Variants in EPHA6 observed in about 807,000 individuals in gnomAD.
The protein encoded by EPHA6 is ephrin type-A receptor 6.
A neutral mutation model predicts 112.0 loss-of-function variants in EPHA6; 50 were observed. The observed-to-expected ratio is 0.45, with a 90% CI of 0.36 to 0.56. EPHA6 has a LOEUF of 0.56. Among genes scored for constraint, EPHA6 ranks in the 20% least tolerant of loss-of-function variants. EPHA6 has a pLI of 0.00. For synonymous variants in EPHA6, 529 were observed against 490.7 expected (o/e 1.08, Z -1.03); for missense variants, 1,280 against 1,417.4 (o/e 0.90, Z 1.56).
intron 3 of EPHA6, among the ~76,000 whole-genome samples, chr3:97,053,475 C>G (rs1311342268): frequency 6.6e-6 from 1 of 152,008 alleles, no homozygotes; most frequent in African/African-American, 2.4e-5. Context: ...AAAATGATTA[C>G]TAAATTAACT....
chr3:97,632,188 G>A (rs1052638490), intron 13 of EPHA6, among the ~76,000 whole-genome samples: 2 of 151,920 alleles, frequency 1.3e-5, no homozygotes, highest in Non-Finnish European at 2.9e-5. Context: ...AATACATCAA[G>A]AGAATATCTT....
At chr3:97,454,473 T>C (rs1423748121) in intron 7 of EPHA6, among the ~76,000 whole-genome samples, 1 of 151,784 alleles carries the variant, frequency 6.6e-6, no homozygotes, top group East Asian at 1.9e-4. Context: ...TACTAAAGAA[T>C]AGTATGTTGC....
chr3:97,123,210 A>C (rs1454772337), intron 3 of EPHA6, among the ~76,000 whole-genome samples: 2 of 152,130 alleles, frequency 1.3e-5, no homozygotes, highest in Non-Finnish European at 2.9e-5. Context: ...TTCGTGTTAA[A>C]CTTGAGTTGC....
chr3:96,817,705 A>G lies in EPHA6; in HGVS notation c.385+2697A>G, dbSNP rs182830648. On this transcript the variant is annotated intron_variant, in intron 1 of 17. Coordinates refer to ENST00000389672, the MANE Select transcript of EPHA6 (RefSeq NM_001080448.3). ...TAATGTTATATATCTGTTTTACCAA[A>G]TTATATGACATCCTTCATGGCTGAA... Among the ~76,000 whole-genome samples, 7 of 152,032 alleles carry G rather than the reference A, an allele frequency of 4.6e-5. No individual in the cohort carries two copies. The East Asian group carries it at 1.3e-3, about 29-fold the overall frequency.
At chr3:97,412,331 G>T (rs1252056005) in intron 6 of EPHA6, among the ~76,000 whole-genome samples, 1 of 152,010 alleles carries the variant, frequency 6.6e-6, no homozygotes, top group Non-Finnish European at 1.5e-5. Context: ...CTATATTTCA[G>T]TCAGGCCCAA....
chr3:97,413,456 C>T (rs1292609241), intron 6 of EPHA6, among the ~76,000 whole-genome samples: 2 of 151,798 alleles, frequency 1.3e-5, no homozygotes, highest in Non-Finnish European at 2.9e-5. Context: ...TCGTGTGAGG[C>T]TCTGATTAGC....
At chr3:97,613,920 A>G (rs887664866) in intron 13 of EPHA6, among the ~76,000 whole-genome samples, 2 of 152,172 alleles carry the variant, frequency 1.3e-5, no homozygotes, top group Non-Finnish European at 2.9e-5. Flanking sequence ...TTATCCCCAT[A>G]CAGGCTTTTT....
At chr3:97,082,373 A>AT (rs2046750267) in intron 3 of EPHA6, among the ~76,000 whole-genome samples, 1 of 151,926 alleles carries the variant, frequency 6.6e-6, no homozygotes, top group South Asian at 2.1e-4. Flanking sequence ...ATTTCATTTG[A>AT]TTTTTATATT....
intron 10 of EPHA6, among the ~76,000 whole-genome samples, chr3:97,514,837 C>T (rs908808269): frequency 6.6e-6 from 1 of 152,098 alleles, no homozygotes; most frequent in Non-Finnish European, 1.5e-5. Flanking sequence ...GCCTACCAGC[C>T]GGGAAGAGAG....
At chr3:97,442,066 A>C (rs1220027503) in intron 6 of EPHA6, among the ~76,000 whole-genome samples, 1 of 152,152 alleles carries the variant, frequency 6.6e-6, no homozygotes, top group Admixed American at 6.6e-5. Context: ...GAGTAGATTA[A>C]AACTTCGGAT....
intron 1 of EPHA6, among the ~76,000 whole-genome samples, chr3:96,827,579 A>G (rs1293915746): frequency 6.6e-6 from 1 of 152,220 alleles, no homozygotes; most frequent in East Asian, 1.9e-4. Context: ...CAGAATAGTG[A>G]AAACTGTTCA....
At chr3:97,647,584 G>A (rs1472214567) in intron 14 of EPHA6, among the ~76,000 whole-genome samples, 1 of 152,160 alleles carries the variant, frequency 6.6e-6, no homozygotes, top group Non-Finnish European at 1.5e-5. Flanking sequence ...ACTTATGAGA[G>A]ATTAGTGAAT....
At chr3:97,284,594 C>T (rs1249104735) in intron 5 of EPHA6, among the ~76,000 whole-genome samples, 1 of 152,122 alleles carries the variant, frequency 6.6e-6, no homozygotes, top group African/African-American at 2.4e-5. Context: ...CACGTGACTG[C>T]TGATTTCATA....
chr3:96,929,746 A>G (rs1054734828), intron 2 of EPHA6, among the ~76,000 whole-genome samples: 2 of 151,938 alleles, frequency 1.3e-5, no homozygotes, highest in African/African-American at 2.4e-5. Context: ...GGTTCTCTTC[A>G]TTTCCTGAAT....
chr3:97,747,610 C>A (rs2107905704), intron 17 of EPHA6, 38 bp downstream of exon 17: 1 of 1,524,918 alleles, frequency 6.6e-7, no homozygotes, highest in East Asian at 2.5e-5. Flanking sequence ...ACGAGATGTC[C>A]TGCTGGGGAT....
chr3:97,438,866 T>C (rs2089990784), intron 6 of EPHA6, among the ~76,000 whole-genome samples: 1 of 152,198 alleles, frequency 6.6e-6, no homozygotes, highest in African/African-American at 2.4e-5. Context: ...GTATAACCTT[T>C]CCAGTTTTCA....
intron 5 of EPHA6, among the ~76,000 whole-genome samples, chr3:97,268,854 CTATTA>C (rs369064315): frequency 1.3e-5 from 2 of 152,052 alleles, no homozygotes; most frequent in African/African-American, 4.8e-5. Context: ...TTAGTTTATA[CTATTA>C]TGAGTGATTC....
chr3:97,533,641 G>C (rs2092720394), intron 11 of EPHA6, among the ~76,000 whole-genome samples: 1 of 151,980 alleles, frequency 6.6e-6, no homozygotes, highest in Non-Finnish European at 1.5e-5. Context: ...TTGGCCAATG[G>C]GACATTAGCA....
chr3:97,190,355 G>T (rs1342569212), intron 3 of EPHA6, among the ~76,000 whole-genome samples: 1 of 152,048 alleles, frequency 6.6e-6, no homozygotes, highest in Non-Finnish European at 1.5e-5. Context: ...CTTAGGAACA[G>T]CCCTCAATGA....
Sources: allele counts gnomAD v4.1 joint callset (sites outside exome capture counted in the v4.1 genomes callset), GRCh38; gene constraint gnomAD v4.1.1; transcripts MANE v1.5; gene names NCBI Gene and HGNC (gene_info 2026-07-23, HGNC 2026-07-21).